ACE: variants seen among roughly 807,000 people sequenced by gnomAD.
ACE encodes the protein angiotensin I converting enzyme, also known as angiotensin-converting enzyme.
A neutral mutation model predicts 162.3 loss-of-function variants in ACE; 122 were observed. The ratio of observed to expected loss-of-function variants is 0.75; its 90% CI spans 0.65 to 0.87. The LOEUF is 0.87. ACE is among the 40% of genes least tolerant of loss of function. The probability of loss-of-function intolerance (pLI) is 0.00; values close to 1 mark genes in which losing one functional copy is unlikely to be tolerated. For synonymous variants in ACE, 796 were observed against 720.6 expected, an observed-to-expected ratio of 1.10 and a Z score of -1.68; for missense variants, 1,799 against 1,735.1, an observed-to-expected ratio of 1.04 and a Z score of -0.65.
chr17:63,479,038 TCTA>T lies in ACE; in HGVS notation c.452_454del (p.Tyr151del), dbSNP rs750908161. 29 of 1,613,492 alleles carry T rather than the reference TCTA, an allele frequency of 1.8e-5. No homozygotes were observed. The East Asian group carries it at 5.6e-4, about 31-fold the overall frequency. ...GCCCTGCTAAGCAACATGAGCAGGA[TCTA>T]CTCCACCGCCAAGGTCTGCCTCCCC... is the stretch of plus-strand genomic sequence containing the variant. On this transcript the variant is annotated inframe_deletion, in exon 3 of 25. Transcript: ENST00000290866.
intron 2 of ACE, chr17:63,478,715 A>C: frequency 4.1e-6 from 2 of 489,034 alleles, no homozygotes; most frequent in South Asian, 2.1e-5. Flanking sequence ...CACCAAAGCC[A>C]GAGAATGGGA....
intron 1 of ACE, 103 bp downstream of exon 1, chr17:63,477,446 C>T: frequency 8.5e-6 from 8 of 936,318 alleles, no homozygotes; most frequent in Non-Finnish European, 9.3e-6. Flanking sequence ...CGACCCGAAC[C>T]CCACCCCGAC....
chr17:63,497,008 C>T lies in ACE; in HGVS notation c.3691+23C>T, dbSNP rs576344962. 43 of 1,601,432 alleles carry T rather than the reference C, an allele frequency of 2.7e-5. No homozygotes were observed. The East Asian group carries it at 9.3e-4, about 34-fold the overall frequency. On this transcript the variant is annotated intron_variant, in intron 24 of 24. Coordinates refer to ENST00000290866, the MANE Select transcript of ACE (RefSeq NM_000789.4). ...CCGGTACCGCCACCCACCCCACCTC[C>T]AGCCTTGGGTCTTAACCCCCTCCCC...
In ACE at chr17:63,498,242, T is replaced by A. The variant is rs1218448073; in HGVS notation, c.*876T>A. On this transcript the variant is annotated 3_prime_UTR_variant, in exon 25 of 25. Coordinates refer to ENST00000290866, the MANE Select transcript of ACE (RefSeq NM_000789.4). ...CCCTGCTGGCGTCCCAGCACACACC[T>A]CCTCACTCCCTGCATTGGAGGGAGT... The A allele has an allele frequency of 1.3e-5, 2 of 152,234 alleles. No individual in the cohort carries two copies. The highest frequency in any genetic ancestry group is 2.9e-5 in the Non-Finnish European group (2 of 68,052). The allele number at this position is 152,234 out of a possible 1,614,324, so 9.4% of individuals were successfully genotyped here.
At chr17:63,483,594 GT>G in intron 10 of ACE, 36 bp downstream of exon 10, 11 of 1,093,780 alleles carry the variant, frequency 1.0e-5, no homozygotes, top group Admixed American at 2.6e-5. Flanking sequence ...CCCCAGTACT[GT>G]CACACCCTCA....
chr17:63,494,655 T>A (rs573702995), intron 22 of ACE, among the ~76,000 whole-genome samples, 185 bp downstream of exon 22: 7 of 152,376 alleles, frequency 4.6e-5, no homozygotes, highest in African/African-American at 1.4e-4. Context: ...TTGAACATTC[T>A]TTTGATGAGA....
intron 8 of ACE, 49 bp downstream of exon 8, chr17:63,482,738 C>A: frequency 1.3e-6 from 2 of 1,569,626 alleles, no homozygotes. Flanking sequence ...AAACCCCGCT[C>A]CACCCCACAG....
intron 2 of ACE, 60 bp downstream of exon 2, chr17:63,478,158 C>A: frequency 6.5e-7 from 1 of 1,540,986 alleles, no homozygotes; most frequent in South Asian, 1.2e-5. Context: ...TCGTGGGGGT[C>A]GGGGGAGAGC....
chr17:63,477,500 G>C (rs1228519458), intron 1 of ACE, 157 bp downstream of exon 1: 1 of 462,176 alleles, frequency 2.2e-6, no homozygotes, highest in African/African-American at 2.1e-5. Flanking sequence ...CCCGAGCGCC[G>C]GGCTGCGCGC....
At position 63,483,835 on chromosome 17, in the gene ACE, C is replaced by T; in HGVS notation, c.1587-14C>T. On this transcript the variant is annotated splice_polypyrimidine_tract_variant and intron_variant, in intron 10 of 24. Transcript: ENST00000290866. ...CCCCCATGATCTTCCCTGACTCCCA[C>T]CCTGTGCCTGCAGGTACTTTGTGAG... is the stretch of plus-strand genomic sequence containing the variant. 6.2e-7 allele frequency: 1 copy of T among 1,614,056 alleles called. No homozygotes were observed. The highest frequency in any genetic ancestry group is 8.5e-7 in the Non-Finnish European group (1 of 1,180,038).
At chr17:63,487,127 GC>G in intron 15 of ACE, 54 bp downstream of exon 15, 1 of 1,496,324 alleles carries the variant, frequency 6.7e-7, no homozygotes, top group Non-Finnish European at 9.3e-7. Flanking sequence ...CTGGCATGGG[GC>G]CCGGGGGTGC....
In ACE at chr17:63,483,934, G is replaced by A. The variant is rs2029861470; in HGVS notation, c.1672G>A (p.Asp558Asn). Reference sequence around the variant, plus strand: ...CTATGAGGGCCCACTGCACCAGTGTGACATCTACCGGTCCACCAAGGCAGG... The same window carrying A: ...CTATGAGGGCCCACTGCACCAGTGTAACATCTACCGGTCCACCAAGGCAGG... ...AGYEGPLHQC[D>N]IYRSTKAGAK... is the part of the protein sequence containing the mutation. Residue 558 changes from aspartate to asparagine, a missense_variant, in exon 11 of 25, where the codon GAC (aspartate) becomes AAC (asparagine). Transcript: ENST00000290866. 3.1e-6 allele frequency: 5 copies of A among 1,614,126 alleles called. No homozygotes were observed. The highest frequency in any genetic ancestry group is 4.2e-6 in the Non-Finnish European group (5 of 1,180,026).
chr17:63,477,370 G>A, intron 1 of ACE, 27 bp downstream of exon 1: 1 of 1,237,052 alleles, frequency 8.1e-7, no homozygotes, highest in Non-Finnish European at 1.0e-6. Flanking sequence ...GGGCGGGGGC[G>A]GGGCGGGGCC....
chr17:63,494,587 G>A (rs1322641201), intron 22 of ACE, 117 bp downstream of exon 22: 35 of 924,810 alleles, frequency 3.8e-5, no homozygotes, highest in South Asian at 4.2e-5. Flanking sequence ...CGGGGGAGCC[G>A]GCCGCACGGT....
intron 7 of ACE, 88 bp downstream of exon 7, chr17:63,481,826 C>T (rs2049715421): frequency 1.5e-5 from 23 of 1,553,114 alleles, no homozygotes; most frequent in Non-Finnish European, 2.0e-5. Context: ...GAAGCTGGTT[C>T]CCAGGCCTGC....
intron 6 of ACE, 42 bp downstream of exon 6, chr17:63,481,230 T>C (rs1203446093): frequency 3.6e-5 from 19 of 526,724 alleles, no homozygotes; most frequent in Non-Finnish European, 6.2e-5. Context: ...GGGTCGGGGG[T>C]GGGGCGCAAA....
At chr17:63,492,523 G>A (rs2030449849) in intron 19 of ACE, among the ~76,000 whole-genome samples, 1 of 152,232 alleles carries the variant, frequency 6.6e-6, no homozygotes, top group Non-Finnish European at 1.5e-5. Context: ...CAGGATCTGG[G>A]GGATGAGAGC....
Position 63,480,491 on chromosome 17 carries a change from C to T in ACE, c.810C>T (p.Tyr270=). 1 of 1,614,020 alleles carries T rather than the reference C, an allele frequency of 6.2e-7. No homozygotes were observed. The highest frequency in any genetic ancestry group is 1.1e-5 in the South Asian group (1 of 91,078). The change falls in exon 5 of 25, where the codon TAC becomes TAT. Residue 270 remains tyrosine (Y), a synonymous_variant. Coordinates refer to ENST00000290866, the MANE Select transcript of ACE (RefSeq NM_000789.4). ...RALHRRYGDR[Y]INLRGPIPAH... ...TGCATCGCCGATACGGAGACAGATA[C>T]ATCAACCTCAGGGGACCCATCCCTG...
chr17:63,481,018 C>G, intron 5 of ACE, 73 bp from the exon 6 acceptor site: 2 of 1,453,700 alleles, frequency 1.4e-6, no homozygotes. Context: ...CCCCAGGGTG[C>G]CACTCAGCGA....
Sources: allele counts gnomAD v4.1 joint callset (sites outside exome capture counted in the v4.1 genomes callset), GRCh38; gene constraint gnomAD v4.1.1; transcripts MANE v1.5; gene names NCBI Gene and HGNC (gene_info 2026-07-23, HGNC 2026-07-21).